The following DTNB variants were observed in gnomAD, a reference collection of about 807,000 sequenced individuals.
DTNB encodes DTN-B.
DTNB carries 63 observed loss-of-function variants against 90.7 expected under a neutral mutation model. The observed-to-expected ratio is 0.69, with a 90% CI of 0.57 to 0.86. The LOEUF (loss-of-function observed/expected upper bound fraction) is 0.86, where lower values mean the gene tolerates loss of function less well. DTNB is among the 40% of genes least tolerant of loss of function. DTNB has a pLI of 0.00. For synonymous variants in DTNB, 277 were observed against 286.7 expected, an observed-to-expected ratio of 0.97 and a Z score of 0.34; for missense variants, 744 against 807.1, an observed-to-expected ratio of 0.92 and a Z score of 0.95.
rs138112517 is a variant in DTNB, at chr2:25,407,191, C to T, written c.1575+12324G>A. Among the ~76,000 whole-genome samples the T allele has an allele frequency of 1.9e-3, 288 of 152,218 alleles. 12 individuals carry two copies. In the East Asian group the frequency reaches 0.047, roughly 25 times the overall value. ...AAAAATGCTCAACATCACTAACCAT[C>T]AGGGAAATGCAAATCAAAACCACAA... On this transcript the variant is annotated intron_variant, in intron 16 of 20. Coordinates refer to ENST00000406818, the MANE Select transcript of DTNB (RefSeq NM_021907.5).
chr2:25,576,029 C>T (rs2060593475), intron 8 of DTNB, among the ~76,000 whole-genome samples: 1 of 152,080 alleles, frequency 6.6e-6, no homozygotes, highest in South Asian at 2.1e-4. Flanking sequence ...ACCAATGTGG[C>T]AATGGTTGTA....
intron 3 of DTNB, among the ~76,000 whole-genome samples, chr2:25,634,420 C>A (rs2076658124): frequency 6.7e-6 from 1 of 149,744 alleles, no homozygotes; most frequent in African/African-American, 2.4e-5. Flanking sequence ...CCCGCCCCGT[C>A]CGGGAGGGAG....
At chr2:25,419,681 C>A (rs1374021569) in intron 15 of DTNB, 146 bp from the exon 16 acceptor site, 2 of 1,017,364 alleles carry the variant, frequency 2.0e-6, no homozygotes, top group East Asian at 2.6e-5. Flanking sequence ...AGATCAAAGG[C>A]CCCATCCCCC....
At chr2:25,662,028 C>T (rs577586756) in intron 1 of DTNB, among the ~76,000 whole-genome samples, 3 of 151,762 alleles carry the variant, frequency 2.0e-5, no homozygotes, top group South Asian at 2.1e-4. Flanking sequence ...TGGTCGTGGG[C>T]GCCTGTAGTC....
chr2:25,449,785 C>G (rs1231596103), intron 12 of DTNB, among the ~76,000 whole-genome samples: 1 of 130,066 alleles, frequency 7.7e-6, no homozygotes, highest in African/African-American at 2.9e-5. Flanking sequence ...TTTTTTTTGA[C>G]AGAGTCTCGC....
chr2:25,417,991 G>T (rs1247474276), intron 16 of DTNB, among the ~76,000 whole-genome samples: 1 of 152,144 alleles, frequency 6.6e-6, no homozygotes, highest in Non-Finnish European at 1.5e-5. Flanking sequence ...GAAGTGATGC[G>T]TGTCACTTCC....
chr2:25,611,261 C>T (rs1016711549), intron 4 of DTNB, among the ~76,000 whole-genome samples: 6 of 152,180 alleles, frequency 3.9e-5, no homozygotes, highest in Non-Finnish European at 7.4e-5. Context: ...TTAAACTATT[C>T]GATGAGCAGG....
chr2:25,478,217 G>T (rs2064133813), intron 10 of DTNB, among the ~76,000 whole-genome samples: 1 of 152,088 alleles, frequency 6.6e-6, no homozygotes, highest in Non-Finnish European at 1.5e-5. Context: ...TTGGTTCATG[G>T]TTTAATGGGT....
intron 16 of DTNB, among the ~76,000 whole-genome samples, chr2:25,410,279 A>G (rs2046270453): frequency 6.6e-6 from 1 of 151,898 alleles, no homozygotes; most frequent in Non-Finnish European, 1.5e-5. Flanking sequence ...ACAGGAGGGA[A>G]ATTTAGGAAG....
At chr2:25,508,866 T>C (rs959326451) in intron 9 of DTNB, among the ~76,000 whole-genome samples, 3 of 152,214 alleles carry the variant, frequency 2.0e-5, no homozygotes, top group Admixed American at 6.5e-5. Flanking sequence ...TTTGTAGTAT[T>C]TAGTTTACAC....
Position 25,504,412 on chromosome 2 carries a change from AAAAGAAAGAAGG to A in DTNB, c.1002-21551_1002-21540del, listed in dbSNP as rs1281129574. Among the ~76,000 whole-genome samples, 90 of 150,308 alleles carry A rather than the reference AAAAGAAAGAAGG, an allele frequency of 6.0e-4. 1 individual carries two copies. The highest frequency in any genetic ancestry group is 9.0e-4 in the Non-Finnish European group (61 of 67,440). The stretch of plus-strand genomic sequence containing the variant: ...GAAAGAAGGAAGGAAGGAAAGAAAG[AAAAGAAAGAAGG>A]AAAGAAAGAAGGAAAGAGAGAAGGA... On this transcript the variant is annotated intron_variant, in intron 9 of 20. Transcript: ENST00000406818.
intron 8 of DTNB, among the ~76,000 whole-genome samples, chr2:25,569,086 C>A (rs554880757): frequency 3.9e-5 from 6 of 152,174 alleles, no homozygotes; most frequent in Non-Finnish European, 5.9e-5. Flanking sequence ...CCCGGCCTTC[C>A]CCATCCCAGG....
chr2:25,380,877 G>C (rs776640719), intron 19 of DTNB, among the ~76,000 whole-genome samples: 9 of 152,138 alleles, frequency 5.9e-5, no homozygotes, highest in Non-Finnish European at 1.3e-4. Context: ...ATGTGGACAG[G>C]GGAGTGCAGG....
At chr2:25,506,637 A>G (rs898885662) in intron 9 of DTNB, among the ~76,000 whole-genome samples, 18 of 152,218 alleles carry the variant, frequency 1.2e-4, no homozygotes, top group African/African-American at 3.1e-4. Flanking sequence ...TGACTTGATC[A>G]CCGCACATTC....
intron 4 of DTNB, among the ~76,000 whole-genome samples, chr2:25,627,709 T>C (rs1311049669): frequency 6.6e-6 from 1 of 151,780 alleles, no homozygotes; most frequent in Non-Finnish European, 1.5e-5. Flanking sequence ...AACCAGTTTC[T>C]AGAGGGGCTT....
At chr2:25,670,261 T>C (rs1415294723) in intron 1 of DTNB, among the ~76,000 whole-genome samples, 1 of 152,372 alleles carries the variant, frequency 6.6e-6, no homozygotes, top group African/African-American at 2.4e-5. Flanking sequence ...TTTTTTATTC[T>C]GTATTACCTA....
intron 2 of DTNB, among the ~76,000 whole-genome samples, chr2:25,643,300 T>C (rs2078748789): frequency 6.6e-6 from 1 of 152,100 alleles, no homozygotes; most frequent in Non-Finnish European, 1.5e-5. Context: ...TTCTCCCAGA[T>C]CCCTTCTGAA....
intron 12 of DTNB, among the ~76,000 whole-genome samples, chr2:25,449,231 A>T (rs1203928317): frequency 6.6e-6 from 1 of 152,168 alleles, no homozygotes; most frequent in Non-Finnish European, 1.5e-5. Flanking sequence ...CATCTTGTTT[A>T]TCTATTCTGT....
At chr2:25,621,948 T>A (rs1461071668) in intron 4 of DTNB, among the ~76,000 whole-genome samples, 2 of 152,146 alleles carry the variant, frequency 1.3e-5, no homozygotes, top group Non-Finnish European at 2.9e-5. Flanking sequence ...TTAAATGATG[T>A]GTTCAATACC....
Sources: allele counts gnomAD v4.1 joint callset (sites outside exome capture counted in the v4.1 genomes callset), GRCh38; gene constraint gnomAD v4.1.1; transcripts MANE v1.5; gene names NCBI Gene and HGNC (gene_info 2026-07-23, HGNC 2026-07-21).